Variants in BZW2 observed in about 807,000 individuals in gnomAD.
BZW2 encodes basic leucine zipper and W2 domains 2.
A neutral mutation model predicts 53.2 loss-of-function variants in BZW2; 23 were observed. The ratio of observed to expected loss-of-function variants is 0.43; its 90% CI spans 0.31 to 0.61. The LOEUF is 0.61. Among genes scored for constraint, BZW2 ranks in the 20% least tolerant of loss-of-function variants. BZW2 has a pLI of 0.09. For missense variants in BZW2, 409 were observed against 503.1 expected, an observed-to-expected ratio of 0.81 and a Z score of 1.79; for synonymous variants, 227 against 186.4, an observed-to-expected ratio of 1.22 and a Z score of -1.77.
rs1027498172 is a variant in BZW2 at position 16,660,405 on chromosome 7, A to T, written c.-7-5032A>T. ...ACAGAGCGAGACTCCATATTTAAAA[A>T]AAAAAAAAAAAAGGTCTTTTTTTCC... On this transcript the variant is annotated intron_variant, in intron 1 of 11. Transcript: ENST00000258761. Among the ~76,000 whole-genome samples the T allele has an allele frequency of 3.0e-4, 45 of 151,634 alleles. 1 individual carries two copies. The highest frequency in any genetic ancestry group is 3.2e-3 in the Middle Eastern group (1 of 316).
rs377669851 is a variant in BZW2, at chr7:16,686,021, C to G, written c.522C>G (p.Thr174=). 3 of 1,611,562 alleles carry G rather than the reference C, an allele frequency of 1.9e-6. No homozygotes were observed. The highest frequency in any genetic ancestry group is 2.5e-6 in the Non-Finnish European group (3 of 1,179,196). ...LPATILTSLF[T]DSLVKEGIAA... is the part of the protein sequence containing the mutation. ...CCACCATCCTCACCAGTCTCTTCAC[C>G]GACAGCTTAGTCAAAGAAGGTAACG... Residue 174 remains threonine (T), a synonymous_variant, in exon 6 of 12, where the codon ACC becomes ACG. Coordinates refer to ENST00000258761, the MANE Select transcript of BZW2 (RefSeq NM_014038.3).
At chr7:16,703,972 T>C (rs747653004) in intron 10 of BZW2, among the ~76,000 whole-genome samples, 17 of 152,162 alleles carry the variant, frequency 1.1e-4, no homozygotes, top group Non-Finnish European at 2.5e-4. Flanking sequence ...GATTTAGTGA[T>C]GGAGAAAGTG....
chr7:16,685,516 G>A (rs1217543047), intron 5 of BZW2, among the ~76,000 whole-genome samples: 1 of 151,620 alleles, frequency 6.6e-6, no homozygotes, highest in African/African-American at 2.4e-5. Flanking sequence ...AGAGGTAGTC[G>A]CCCAAGGAAG....
intron 1 of BZW2, among the ~76,000 whole-genome samples, chr7:16,655,711 ACT>A (rs1227187958): frequency 6.6e-6 from 1 of 151,710 alleles, no homozygotes; most frequent in Non-Finnish European, 1.5e-5. Context: ...CTACTATTCT[ACT>A]CTCTACTTCT....
At chr7:16,694,419 A>C (rs960638214) in intron 7 of BZW2, among the ~76,000 whole-genome samples, 1 of 152,108 alleles carries the variant, frequency 6.6e-6, no homozygotes, top group Non-Finnish European at 1.5e-5. Flanking sequence ...GAAGGCTCAG[A>C]GTATCACATG....
At chr7:16,683,871 C>G (rs1783032483) in intron 5 of BZW2, among the ~76,000 whole-genome samples, 1 of 152,166 alleles carries the variant, frequency 6.6e-6, no homozygotes, top group South Asian at 2.1e-4. Context: ...TCCTCCCCAC[C>G]TAACTGCACC....
chr7:16,651,990 A>T (rs1368746664), intron 1 of BZW2, among the ~76,000 whole-genome samples: 3 of 152,230 alleles, frequency 2.0e-5, no homozygotes. Flanking sequence ...CAACAGCTTT[A>T]GTTGGCTCCT....
intron 1 of BZW2, among the ~76,000 whole-genome samples, chr7:16,658,851 G>A (rs1256027847): frequency 6.6e-6 from 1 of 150,860 alleles, no homozygotes; most frequent in East Asian, 2.0e-4. Flanking sequence ...CTCCAGCCTG[G>A]GCAACAGAGC....
At chr7:16,674,365 GTATT>G (rs536826949) in intron 2 of BZW2, 43 bp from the exon 3 acceptor site, 104 of 1,387,568 alleles carry the variant, frequency 7.5e-5, no homozygotes, top group South Asian at 1.6e-4. Context: ...TATACTCTCA[GTATT>G]TATTTATTTA....
In BZW2 at chr7:16,660,782, G is replaced by A. The variant is rs1363722214; in HGVS notation, c.-7-4655G>A. Reference sequence around the variant, plus strand: ...GCTACTATATTAGATAGTGCTGATAGAGAACGTTTCCATCATCACAGACAC... The same window carrying A: ...GCTACTATATTAGATAGTGCTGATAAAGAACGTTTCCATCATCACAGACAC... On this transcript the variant is annotated intron_variant, in intron 1 of 11. Transcript: ENST00000258761. Among the ~76,000 whole-genome samples, 3 of 152,138 alleles carry A rather than the reference G, an allele frequency of 2.0e-5. No homozygotes were observed. In the East Asian group the frequency reaches 5.8e-4, roughly 29 times the overall value.
In BZW2 at chr7:16,682,845, G is replaced by T; in HGVS notation, c.405G>T (p.Lys135Asn). ...AGGCATTTGAAGATGAAATGAAAAA[G>T]GTAAAAATTCAAATATAATGCCTAT... ...LEKAFEDEMK[K>N]LLLFLKAFSE... The change falls in exon 5 of 12, where the codon AAG becomes AAT. Residue 135 changes from lysine to asparagine, a missense_variant and splice_region_variant. Transcript: ENST00000258761. The T allele has an allele frequency of 6.4e-7, 1 of 1,563,522 alleles. No homozygotes were observed. The highest frequency in any genetic ancestry group is 1.1e-5 in the South Asian group (1 of 87,886).
chr7:16,665,915 T>C (rs1012689784), intron 2 of BZW2, among the ~76,000 whole-genome samples: 1 of 152,134 alleles, frequency 6.6e-6, no homozygotes, highest in African/African-American at 2.4e-5. Context: ...TTTTCAGAAA[T>C]GAAGAAGTCA....
chr7:16,650,596 C>T (rs1427167904), intron 1 of BZW2, among the ~76,000 whole-genome samples: 1 of 152,116 alleles, frequency 6.6e-6, no homozygotes, highest in Non-Finnish European at 1.5e-5. Flanking sequence ...TTGATCTTTA[C>T]AATTTTTTAT....
At chr7:16,691,275 G>A (rs1024355302) in intron 7 of BZW2, among the ~76,000 whole-genome samples, 1 of 152,188 alleles carries the variant, frequency 6.6e-6, no homozygotes, top group East Asian at 1.9e-4. Context: ...AAAGTTGCCT[G>A]CCCTCGTGAA....
At chr7:16,684,920 C>G (rs1662423107) in intron 5 of BZW2, among the ~76,000 whole-genome samples, 2 of 152,196 alleles carry the variant, frequency 1.3e-5, no homozygotes, top group South Asian at 4.1e-4. Context: ...ATCCCCTACA[C>G]AGTTAGTGGA....
intron 10 of BZW2, 25 bp downstream of exon 10, chr7:16,698,211 T>G (rs755632518): frequency 6.2e-7 from 1 of 1,613,610 alleles, no homozygotes; most frequent in South Asian, 1.1e-5. Flanking sequence ...GCCACTGCTG[T>G]GCTTCTGTGT....
chr7:16,663,782 T>C (rs999856147), intron 1 of BZW2, among the ~76,000 whole-genome samples: 5 of 152,200 alleles, frequency 3.3e-5, no homozygotes, highest in Admixed American at 6.5e-5. Context: ...ACTTCATAAT[T>C]GAAGCAATCT....
intron 3 of BZW2, among the ~76,000 whole-genome samples, chr7:16,680,702 G>C (rs1245153536): frequency 6.6e-6 from 1 of 152,156 alleles, no homozygotes; most frequent in Non-Finnish European, 1.5e-5. Flanking sequence ...AGCTACTTGG[G>C]AGGCTGAGGC....
intron 3 of BZW2, among the ~76,000 whole-genome samples, chr7:16,675,600 T>A (rs796205707): frequency 2.6e-4 from 39 of 152,368 alleles, no homozygotes; most frequent in African/African-American, 9.4e-4. Context: ...TACTAGGCCT[T>A]CTGTCATTCT....
Sources: gnomAD v4.1 joint callset for allele counts (sites outside exome capture counted in the v4.1 genomes callset) on GRCh38, gnomAD v4.1.1 for gene constraint, MANE v1.5 for transcripts, NCBI Gene and HGNC (gene_info 2026-07-23, HGNC 2026-07-21) for gene names.